The following SMARCAD1 variants were observed in gnomAD, a reference collection of about 807,000 sequenced individuals.
The protein encoded by SMARCAD1 is SNF2 related chromatin remodeling ATPase with DExD box 1, also known as SWI/SNF-related matrix-associated actin-dependent regulator of chromatin subfamily A containing DEAD/H box 1.
Under a neutral mutation model 127.1 loss-of-function variants are expected in SMARCAD1, and 25 were observed. The ratio of observed to expected loss-of-function variants is 0.20; its 90% CI spans 0.14 to 0.27. SMARCAD1 has a LOEUF of 0.27. Among genes scored for constraint, SMARCAD1 ranks in the 10% least tolerant of loss-of-function variants. The pLI, the probability that SMARCAD1 is intolerant of heterozygous loss-of-function variation, is 1.00. For missense variants in SMARCAD1, 807 were observed against 1,206.0 expected, an observed-to-expected ratio of 0.67 and a Z score of 4.90; for synonymous variants, 400 against 396.9, an observed-to-expected ratio of 1.01 and a Z score of -0.09.
intron 14 of SMARCAD1, among the ~76,000 whole-genome samples, 150 bp from the exon 15 acceptor site, chr4:94,276,186 TTTA>T (rs1373665296): frequency 4.6e-5 from 7 of 152,180 alleles, no homozygotes; most frequent in Non-Finnish European, 1.0e-4. Context: ...TACGTCAGTA[TTTA>T]TTTGAGTATC....
chr4:94,261,149 A>G (rs988529370), intron 9 of SMARCAD1, among the ~76,000 whole-genome samples: 1 of 152,114 alleles, frequency 6.6e-6, no homozygotes, highest in Non-Finnish European at 1.5e-5. Context: ...GTGAAAAAAA[A>G]AAAGAAACCT....
chr4:94,277,292 A>G (rs1195452160), intron 16 of SMARCAD1, 133 bp downstream of exon 16: 8 of 1,046,930 alleles, frequency 7.6e-6, no homozygotes, highest in Admixed American at 1.9e-5. Flanking sequence ...TGATAACTCT[A>G]TATTTGGATT....
In SMARCAD1 at chr4:94,235,160, G is replaced by A. The variant is rs1371160868; in HGVS notation, c.537+1038G>A. On this transcript the variant is annotated intron_variant, in intron 4 of 23. Transcript: ENST00000354268. ...GAAATAATGCAACTGACTCCCAAAA[G>A]AAACCTTATATCCATTAGCAGTCAC... is the stretch of plus-strand genomic sequence containing the variant. Among the ~76,000 whole-genome samples, 6 of 139,428 alleles carry A rather than the reference G, an allele frequency of 4.3e-5. No homozygotes were observed. In the East Asian group the frequency reaches 6.8e-4, roughly 16 times the overall value. 91.5% of individuals were successfully genotyped at this position (139,428 alleles called of 152,430 possible).
chr4:94,233,806 A>C (rs905630804), intron 3 of SMARCAD1, 148 bp from the exon 4 acceptor site: 3 of 833,080 alleles, frequency 3.6e-6, no homozygotes, highest in Non-Finnish European at 5.6e-6. Flanking sequence ...AAATGGAAAA[A>C]AAAGGTCTCT....
At chr4:94,267,155 G>C (rs749767872) in intron 10 of SMARCAD1, among the ~76,000 whole-genome samples, 7 of 152,176 alleles carry the variant, frequency 4.6e-5, no homozygotes, top group Non-Finnish European at 1.0e-4. Context: ...AATCTGCCAA[G>C]GTTCTTCTGA....
chr4:94,230,283 A>AT (rs796727040), intron 3 of SMARCAD1, among the ~76,000 whole-genome samples: 79 of 144,922 alleles, frequency 5.5e-4, no homozygotes, highest in Middle Eastern at 3.5e-3. Context: ...ACTTTCGTGT[A>AT]TTTTTTTTTT....
rs560568041 is a variant in SMARCAD1, at chr4:94,244,300, T to C, written c.705+3294T>C. Among the ~76,000 whole-genome samples the C allele has an allele frequency of 1.8e-4, 28 of 152,348 alleles. No individual in the cohort carries two copies. In the East Asian group the frequency reaches 3.7e-3, roughly 20 times the overall value. On this transcript the variant is annotated intron_variant, in intron 6 of 23. Transcript: ENST00000354268. The stretch of plus-strand genomic sequence containing the variant: ...AATGATTTCAAACAGTGCTACAGTT[T>C]CCTACAAACAATGCTACAGTTTCCT...
intron 14 of SMARCAD1, among the ~76,000 whole-genome samples, chr4:94,275,881 C>CT (rs1215111340): frequency 1.3e-5 from 2 of 148,688 alleles, no homozygotes; most frequent in Non-Finnish European, 3.0e-5. Flanking sequence ...ACTGCAACCT[C>CT]TTGCCTCCCG....
chr4:94,289,479 A>G lies in SMARCAD1; in HGVS notation c.3026A>G (p.Glu1009Gly). Residue 1009 changes from glutamate (E) to glycine (G), a missense_variant, in exon 24 of 24, where the codon GAA (glutamate) becomes GGA (glycine). Physicochemically the swap from Glu to Gly is moderately conservative, Grantham distance 98. Transcript: ENST00000354268. ...QDMTTVDEGD[E>G]GSMPADIATL... The stretch of plus-strand genomic sequence containing the variant: ...GCTACTTTCTGACCTACAGGTGATG[A>G]AGGGAGTATGCCAGCAGATATAGCC... The G allele has an allele frequency of 2.5e-6, 4 of 1,612,710 alleles. No individual in the cohort carries two copies. In the South Asian group the frequency reaches 4.4e-5, roughly 18 times the overall value.
chr4:94,216,458 TG>T (rs1743205145), intron 2 of SMARCAD1, among the ~76,000 whole-genome samples: 1 of 152,194 alleles, frequency 6.6e-6, no homozygotes, highest in African/African-American at 2.4e-5. Flanking sequence ...TTAAAAATTA[TG>T]ATAAAATACA....
At chr4:94,263,249 C>T (rs1483293653) in intron 9 of SMARCAD1, among the ~76,000 whole-genome samples, 2 of 152,064 alleles carry the variant, frequency 1.3e-5, no homozygotes, top group Non-Finnish European at 2.9e-5. Context: ...ACACATACTA[C>T]AATCAGCATG....
chr4:94,236,443 T>C (rs1746665257), intron 4 of SMARCAD1, among the ~76,000 whole-genome samples: 1 of 152,134 alleles, frequency 6.6e-6, no homozygotes, highest in African/African-American at 2.4e-5. Flanking sequence ...TAAGAGCCCC[T>C]ATCCCATTTA....
intron 2 of SMARCAD1, among the ~76,000 whole-genome samples, chr4:94,221,848 A>G (rs1744190476): frequency 6.6e-6 from 1 of 152,206 alleles, no homozygotes; most frequent in Non-Finnish European, 1.5e-5. Flanking sequence ...CCCGAGAGAA[A>G]TCAGAAGAAC....
At chr4:94,244,364 T>C (rs1294965234) in intron 6 of SMARCAD1, among the ~76,000 whole-genome samples, 1 of 152,212 alleles carries the variant, frequency 6.6e-6, no homozygotes, top group African/African-American at 2.4e-5. Context: ...AGTGTAGATA[T>C]GAAAGCTGCA....
chr4:94,221,504 A>G (rs1163257986), intron 2 of SMARCAD1, among the ~76,000 whole-genome samples: 2 of 152,342 alleles, frequency 1.3e-5, no homozygotes, highest in South Asian at 4.2e-4. Flanking sequence ...CTCCAACTAC[A>G]TAACTTTGTG....
chr4:94,280,927 T>C (rs1753922935), intron 20 of SMARCAD1, 147 bp downstream of exon 20: 1 of 749,026 alleles, frequency 1.3e-6, no homozygotes, highest in African/African-American at 1.8e-5. Context: ...TCTTGACGTA[T>C]TTTCTTGATT....
At chr4:94,209,559 A>G (rs1338028047) in intron 2 of SMARCAD1, among the ~76,000 whole-genome samples, 3 of 152,192 alleles carry the variant, frequency 2.0e-5, no homozygotes, top group Non-Finnish European at 2.9e-5. Context: ...GGTAACACAC[A>G]TGTTTATCCT....
intron 4 of SMARCAD1, among the ~76,000 whole-genome samples, chr4:94,235,368 C>A (rs1267021542): frequency 2.0e-5 from 3 of 148,804 alleles, no homozygotes; most frequent in Non-Finnish European, 3.0e-5. Flanking sequence ...GTACTTTGTT[C>A]CTTTTAATGC....
chr4:94,234,166 C>G, intron 4 of SMARCAD1, 44 bp downstream of exon 4: 1 of 1,525,296 alleles, frequency 6.6e-7, no homozygotes, highest in Non-Finnish European at 8.9e-7. Context: ...GATAAAATCT[C>G]TCCTGCATTC....
Sources: gnomAD v4.1 joint callset for allele counts (sites outside exome capture counted in the v4.1 genomes callset) on GRCh38, gnomAD v4.1.1 for gene constraint, MANE v1.5 for transcripts, NCBI Gene and HGNC (gene_info 2026-07-23, HGNC 2026-07-21) for gene names.